SLC2A10: variants seen among roughly 807,000 people sequenced by gnomAD.
SLC2A10 encodes the protein solute carrier family 2, facilitated glucose transporter member 10.
SLC2A10 carries 25 observed loss-of-function variants against 32.1 expected under a neutral mutation model. The observed-to-expected ratio is 0.78, with a 90% CI of 0.57 to 1.09. The LOEUF is 1.09. Among genes scored for constraint, SLC2A10 ranks in the 50% least tolerant of loss-of-function variants. The pLI is 0.00. For missense variants in SLC2A10, 673 were observed against 686.5 expected (o/e 0.98, Z 0.22); for synonymous variants, 332 against 309.6 (o/e 1.07, Z -0.76).
intron 4 of SLC2A10, among the ~76,000 whole-genome samples, chr20:46,731,010 C>A (rs1298424560): frequency 6.6e-6 from 1 of 152,208 alleles, no homozygotes; most frequent in Non-Finnish European, 1.5e-5. Context: ...TCCTCCCCAC[C>A]CCAGAATGTT....
chr20:46,726,080 G>T lies in SLC2A10; in HGVS notation c.1044G>T (p.Leu348=). The change falls in exon 2 of 5, where the codon CTG becomes CTT. Residue 348 remains leucine (L), a synonymous_variant. Transcript: ENST00000359271. ...QTGLPGDSGL[L]QDSSLPPIPR... Reference sequence around the variant, plus strand: ...GCCTCCCTGGAGACTCTGGCCTGCTGCAGGACTCCTCTCTACCTCCCATTC... The same window carrying T: ...GCCTCCCTGGAGACTCTGGCCTGCTTCAGGACTCCTCTCTACCTCCCATTC... 1 of 1,614,220 alleles carries T rather than the reference G, an allele frequency of 6.2e-7. No homozygotes were observed. Among genetic ancestry groups the T allele is most frequent in the Non-Finnish European group, 8.5e-7 (1 of 1,180,042 alleles).
At chr20:46,727,211 G>C (rs541193837) in intron 3 of SLC2A10, among the ~76,000 whole-genome samples, 2 of 152,368 alleles carry the variant, frequency 1.3e-5, no homozygotes, top group South Asian at 4.1e-4. Context: ...GAGGTCATCT[G>C]AGGTCAACCG....
chr20:46,726,516 A>C (rs1979970909), intron 2 of SLC2A10, among the ~76,000 whole-genome samples, 192 bp downstream of exon 2: 1 of 152,114 alleles, frequency 6.6e-6, no homozygotes, highest in Non-Finnish European at 1.5e-5. Context: ...TTATGTTTGT[A>C]ATTTGTATTC....
Position 46,733,906 on chromosome 20 carries a change from C to A in SLC2A10, c.*72C>A. The A allele has an allele frequency of 6.9e-7, 1 of 1,445,968 alleles. No homozygotes were observed. The allele number at this position is 1,445,968 out of a possible 1,614,324, so 89.6% of individuals were successfully genotyped here. A position where few individuals can be genotyped will look rare whatever the true frequency, so the allele number is the denominator to read the frequency against. ...ATCTCCAGCATCCTGCTTCCTAGGCCCCAGAGCACAAGTTCCAGCTGGTCT... is the reference window on the plus strand; with the variant it reads ...ATCTCCAGCATCCTGCTTCCTAGGCACCAGAGCACAAGTTCCAGCTGGTCT... On this transcript the variant is annotated 3_prime_UTR_variant, in exon 5 of 5. Coordinates refer to ENST00000359271, the MANE Select transcript of SLC2A10 (RefSeq NM_030777.4).
chr20:46,731,705 T>A (rs911383729), intron 4 of SLC2A10, among the ~76,000 whole-genome samples: 3 of 152,074 alleles, frequency 2.0e-5, no homozygotes, highest in African/African-American at 7.2e-5. Context: ...GGCAGGTCTG[T>A]GTTTTATCAT....
intron 1 of SLC2A10, among the ~76,000 whole-genome samples, chr20:46,720,677 C>T (rs1400269089): frequency 3.3e-5 from 5 of 152,126 alleles, no homozygotes; most frequent in East Asian, 1.9e-4. Context: ...CCCTTGTGCT[C>T]GCTCGTCATG....
rs377745566 is a variant in SLC2A10, at chr20:46,725,758, T to G, written c.722T>G (p.Phe241Cys). Residue 241 changes from phenylalanine to cysteine, a missense_variant, in exon 2 of 5, where the codon TTC becomes TGC. Coordinates refer to ENST00000359271, the MANE Select transcript of SLC2A10 (RefSeq NM_030777.4). Reference protein sequence around the residue: ...RTTVGLGLVLFQQLTGQPNVL... With the variant: ...RTTVGLGLVLCQQLTGQPNVL... ...ACAGTGGGCCTGGGGCTGGTGCTCT[T>G]CCAGCAACTAACAGGGCAGCCCAAC... The G allele has an allele frequency of 1.2e-6, 2 of 1,614,182 alleles. No homozygotes were observed. The highest frequency in any genetic ancestry group is 1.6e-4 in the Middle Eastern group (1 of 6,062).
Position 46,709,674 on chromosome 20 carries a change from T to G in SLC2A10, c.-63T>G. 6.5e-7 allele frequency: 1 copy of G among 1,531,528 alleles called. No individual in the cohort carries two copies. Among genetic ancestry groups the G allele is most frequent in the Non-Finnish European group, 8.8e-7 (1 of 1,139,802 alleles). The allele number at this position is 1,531,528 out of a possible 1,614,324, so 94.9% of individuals were successfully genotyped here. A position where few individuals can be genotyped will look rare whatever the true frequency, so the allele number is the denominator to read the frequency against. ...GTCCGGCGGCAGCGGCGTTGGGGAC[T>G]CCGGCGGGGGATGCGCGCCCGGCCC... On this transcript the variant is annotated 5_prime_UTR_variant, in exon 1 of 5. Transcript: ENST00000359271.
At chr20:46,732,141 C>G (rs6018005) in intron 4 of SLC2A10, among the ~76,000 whole-genome samples, 1 of 152,212 alleles carries the variant, frequency 6.6e-6, no homozygotes, top group East Asian at 1.9e-4. Context: ...TCCAGCTCCT[C>G]TACCTGCTTT....
chr20:46,716,946 C>T (rs1477735443), intron 1 of SLC2A10, among the ~76,000 whole-genome samples: 1 of 152,094 alleles, frequency 6.6e-6, no homozygotes, highest in Non-Finnish European at 1.5e-5. Context: ...TTGCTAGAAC[C>T]CAGGAGATGG....
At chr20:46,722,142 AC>A (rs1452930653) in intron 1 of SLC2A10, among the ~76,000 whole-genome samples, 1 of 151,104 alleles carries the variant, frequency 6.6e-6, no homozygotes, top group East Asian at 2.0e-4. Context: ...TAAAAAAAAA[AC>A]CAGATCTGGC....
intron 1 of SLC2A10, 93 bp downstream of exon 1, chr20:46,709,833 TG>T: frequency 6.8e-7 from 1 of 1,463,016 alleles, no homozygotes; most frequent in South Asian, 1.2e-5. Context: ...GCGCGCCCCC[TG>T]GCTCCCCCAG....
At chr20:46,726,817 C>A in intron 2 of SLC2A10, 47 bp from the exon 3 acceptor site, 1 of 1,613,326 alleles carries the variant, frequency 6.2e-7, no homozygotes, top group Non-Finnish European at 8.5e-7. Flanking sequence ...GGTGCCAGGC[C>A]CCAGGTCCCA....
At chr20:46,726,743 G>C (rs1476375032) in intron 2 of SLC2A10, 121 bp from the exon 3 acceptor site, 18 of 1,322,210 alleles carry the variant, frequency 1.4e-5, no homozygotes, top group Non-Finnish European at 1.8e-5. Flanking sequence ...GGGAGTGGGA[G>C]TTTAGTATCA....
intron 3 of SLC2A10, among the ~76,000 whole-genome samples, chr20:46,728,616 T>G (rs909659976): frequency 1.3e-4 from 20 of 148,222 alleles, no homozygotes; most frequent in South Asian, 4.4e-4. Context: ...TTTTTTTTTT[T>G]TTTTTTTTTT....
intron 4 of SLC2A10, among the ~76,000 whole-genome samples, chr20:46,732,642 A>C (rs189885121): frequency 3.9e-5 from 6 of 152,342 alleles, no homozygotes; most frequent in Admixed American, 2.6e-4. Context: ...CAAGTGTATC[A>C]GGAATTTTCA....
Position 46,729,503 on chromosome 20 carries a change from G to T in SLC2A10, c.1547+15G>T. 4 of 1,613,948 alleles carry T rather than the reference G, an allele frequency of 2.5e-6. No individual in the cohort carries two copies. The highest frequency in any genetic ancestry group is 3.4e-6 in the Non-Finnish European group (4 of 1,179,910). ...CAGAAGAGACGGTAGGAAGCTGACA[G>T]GGTGGGTCTGGGGGAAGAGCTGTAG... On this transcript the variant is annotated intron_variant, in intron 4 of 4. Transcript: ENST00000359271.
At chr20:46,709,871 C>T (rs538662167) in intron 1 of SLC2A10, 131 bp downstream of exon 1, 7 of 1,134,004 alleles carry the variant, frequency 6.2e-6, no homozygotes, top group African/African-American at 4.8e-5. Flanking sequence ...TACCGCCTCT[C>T]GGGTGGCCAG....
chr20:46,709,716 C>G lies in SLC2A10; in HGVS notation c.-21C>G. The G allele has an allele frequency of 6.5e-7, 1 of 1,542,488 alleles. No individual in the cohort carries two copies. The highest frequency in any genetic ancestry group is 8.7e-7 in the Non-Finnish European group (1 of 1,144,494). On this transcript the variant is annotated 5_prime_UTR_variant, in exon 1 of 5. Transcript: ENST00000359271. ...GCCCGGCCCCTCAGCGCCCCCAGCA[C>G]GCCGCCGAGTCCCGCTCGCCATGGG...
Sources: allele counts gnomAD v4.1 joint callset (sites outside exome capture counted in the v4.1 genomes callset), GRCh38; gene constraint gnomAD v4.1.1; transcripts MANE v1.5; gene names NCBI Gene and HGNC (gene_info 2026-07-23, HGNC 2026-07-21).